Variants in SYN2 observed in about 807,000 individuals in gnomAD.
SYN2 encodes synapsin II.
A neutral mutation model predicts 50.9 loss-of-function variants in SYN2; 19 were observed. The ratio of observed to expected loss-of-function variants is 0.37; its 90% CI spans 0.26 to 0.55. SYN2 has a LOEUF of 0.55. Ranked by LOEUF, SYN2 falls within the 20% of genes least tolerant of loss-of-function variation. The pLI, the probability that SYN2 is intolerant of heterozygous loss-of-function variation, is 0.81. For missense variants in SYN2, 587 were observed against 576.4 expected (o/e 1.02, Z -0.19); for synonymous variants, 255 against 224.9 (o/e 1.13, Z -1.20).
chr3:12,057,246 C>G (rs189597989), intron 1 of SYN2, among the ~76,000 whole-genome samples: 5 of 151,370 alleles, frequency 3.3e-5, no homozygotes, highest in African/African-American at 4.9e-5. Flanking sequence ...GAGCCAAGAT[C>G]GTGCCACTGC....
intron 1 of SYN2, among the ~76,000 whole-genome samples, chr3:12,057,634 TTTGA>T (rs1438786920): frequency 2.6e-5 from 4 of 152,164 alleles, no homozygotes; most frequent in Admixed American, 2.6e-4. Flanking sequence ...TAGTTTTGAT[TTTGA>T]TTATTGATTT....
intron 3 of SYN2, among the ~76,000 whole-genome samples, chr3:12,143,772 T>A (rs926028790): frequency 6.6e-6 from 1 of 152,244 alleles, no homozygotes; most frequent in Non-Finnish European, 1.5e-5. Context: ...TCTTTTAATA[T>A]GATGATTTAT....
chr3:12,043,825 C>G (rs1694672856), intron 1 of SYN2, among the ~76,000 whole-genome samples: 1 of 152,140 alleles, frequency 6.6e-6, no homozygotes, highest in Admixed American at 6.6e-5. Flanking sequence ...ACTATATAGT[C>G]AAATCTCCAT....
chr3:12,144,643 A>G (rs1165217951), intron 3 of SYN2, among the ~76,000 whole-genome samples: 2 of 152,194 alleles, frequency 1.3e-5, no homozygotes, highest in Admixed American at 6.5e-5. Flanking sequence ...TCCTAAGGGT[A>G]TTTGTACCTT....
intron 1 of SYN2, among the ~76,000 whole-genome samples, chr3:12,096,151 C>T (rs564424192): frequency 6.6e-6 from 1 of 152,264 alleles, no homozygotes; most frequent in South Asian, 2.1e-4. Flanking sequence ...TCATGTCATC[C>T]ATTTCTCCTA....
chr3:12,048,600 C>T (rs920075334), intron 1 of SYN2, among the ~76,000 whole-genome samples: 5 of 152,140 alleles, frequency 3.3e-5, no homozygotes, highest in South Asian at 2.1e-4. Flanking sequence ...ATTCATTGAA[C>T]GCTTATTGTG....
At chr3:12,098,260 A>C (rs561022551) in intron 1 of SYN2, among the ~76,000 whole-genome samples, 2 of 152,204 alleles carry the variant, frequency 1.3e-5, no homozygotes, top group African/African-American at 4.8e-5. Flanking sequence ...GACTATCAGC[A>C]AAGAATTCTG....
intron 1 of SYN2, among the ~76,000 whole-genome samples, chr3:12,041,132 C>T (rs922839475): frequency 6.6e-6 from 1 of 152,146 alleles, no homozygotes; most frequent in East Asian, 1.9e-4. Flanking sequence ...GACCTGCCTC[C>T]CTGCAGCCAG....
intron 1 of SYN2, among the ~76,000 whole-genome samples, chr3:12,113,224 TC>T (rs1696363297): frequency 6.6e-6 from 1 of 152,194 alleles, no homozygotes; most frequent in African/African-American, 2.4e-5. Context: ...ACCAAAGTAT[TC>T]CTAAGGAGAA....
intron 1 of SYN2, among the ~76,000 whole-genome samples, chr3:12,037,384 T>C (rs1694521162): frequency 6.6e-6 from 1 of 152,252 alleles, no homozygotes; most frequent in Non-Finnish European, 1.5e-5. Flanking sequence ...CCAATTTTTA[T>C]CTCACTCTGT....
chr3:12,141,567 A>G (rs1347555459), intron 2 of SYN2, among the ~76,000 whole-genome samples: 1 of 152,246 alleles, frequency 6.6e-6, no homozygotes, highest in East Asian at 1.9e-4. Flanking sequence ...CATTTGTCTC[A>G]GTCCACATTC....
intron 1 of SYN2, among the ~76,000 whole-genome samples, chr3:12,049,557 A>T (rs2125153734): frequency 7.9e-6 from 1 of 125,810 alleles, no homozygotes; most frequent in Middle Eastern, 4.2e-3. Context: ...AAACTGAAAG[A>T]TGAGGGAACT....
chr3:12,191,175 G>A lies in SYN2; in HGVS notation c.*550G>A. 1.0e-6 allele frequency: 1 copy of A among 985,392 alleles called. No individual in the cohort carries two copies. 61.0% of individuals were successfully genotyped at this position (985,392 alleles called of 1,614,324 possible). Reference sequence around the variant, plus strand: ...AACTTACAAGATCTTAGGCTGCTGTGGTGGTGAAGCACCTTGAGTCTGCTG... The same window carrying A: ...AACTTACAAGATCTTAGGCTGCTGTAGTGGTGAAGCACCTTGAGTCTGCTG... On this transcript the variant is annotated 3_prime_UTR_variant, in exon 13 of 13. Coordinates refer to ENST00000621198, the MANE Select transcript of SYN2 (RefSeq NM_133625.6).
intron 1 of SYN2, among the ~76,000 whole-genome samples, chr3:12,136,997 G>T (rs1274862886): frequency 2.0e-5 from 3 of 152,148 alleles, no homozygotes; most frequent in Admixed American, 6.5e-5. Flanking sequence ...TATCATCCCA[G>T]CACTTTCAGA....
In SYN2 at chr3:12,167,223, T is replaced by A. The variant is rs1697822375; in HGVS notation, c.981-11T>A. ...CACTGCCTGTCCTATCCTGGTGGGATCTTGTTGCAGGAGGACATCGATCTC... is the reference window on the plus strand; with the variant it reads ...CACTGCCTGTCCTATCCTGGTGGGAACTTGTTGCAGGAGGACATCGATCTC... On this transcript the variant is annotated splice_polypyrimidine_tract_variant and intron_variant, in intron 7 of 12. Coordinates refer to ENST00000621198, the MANE Select transcript of SYN2 (RefSeq NM_133625.6). 6.2e-7 allele frequency: 1 copy of A among 1,611,800 alleles called. No individual in the cohort carries two copies. Among genetic ancestry groups the A allele is most frequent in the Non-Finnish European group, 8.5e-7 (1 of 1,179,140 alleles).
At position 12,022,396 on chromosome 3, in the gene SYN2, G is replaced by GTTATTA. The variant is rs201890521; in HGVS notation, c.377+17487_377+17492dup. On this transcript the variant is annotated intron_variant, in intron 1 of 12. Transcript: ENST00000621198. The stretch of plus-strand genomic sequence containing the variant: ...ATCTAATCTTGGAGACCTCTAGGAA[G>GTTATTA]TTATTATTATTATTATTATTATTAG... Among the ~76,000 whole-genome samples, 38 of 151,332 alleles carry GTTATTA rather than the reference G, an allele frequency of 2.5e-4. 1 individual carries two copies. The highest frequency in any genetic ancestry group is 1.7e-3 in the South Asian group (8 of 4,766).
At chr3:12,033,387 C>A (rs1574899010) in intron 1 of SYN2, among the ~76,000 whole-genome samples, 1 of 152,260 alleles carries the variant, frequency 6.6e-6, no homozygotes, top group Non-Finnish European at 1.5e-5. Flanking sequence ...AATTCTTGTG[C>A]TTTCTTTACT....
rs77169811 is a variant in SYN2, at chr3:12,070,905, C to T, written c.377+65977C>T. The T allele has an allele frequency of 3.0e-4, 167 of 561,616 alleles. 1 individual carries two copies. In the East Asian group the frequency reaches 6.7e-3, roughly 23 times the overall value. The allele number at this position is 561,616 out of a possible 1,614,324, so 34.8% of individuals were successfully genotyped here. On this transcript the variant is annotated intron_variant, in intron 1 of 12. Transcript: ENST00000621198. The stretch of plus-strand genomic sequence containing the variant: ...AGCCGTGCTATGTTGCCCTGGACTT[C>T]GAACAGGAGATGGCCACCGCCGCAT...
chr3:12,091,486 A>G lies in SYN2; in HGVS notation c.378-49165A>G, dbSNP rs537664182. On this transcript the variant is annotated intron_variant, in intron 1 of 12. Coordinates refer to ENST00000621198, the MANE Select transcript of SYN2 (RefSeq NM_133625.6). ...GATTATTATAGCCTTTTTAAAAGGT[A>G]ACAGATCCTCACAGCTCAAGTAATT... 8.5e-5 allele frequency among the ~76,000 whole-genome samples: 13 copies of G among 152,262 alleles called. No individual in the cohort carries two copies. The East Asian group carries it at 2.5e-3, about 29-fold the overall frequency.
Sources: gnomAD v4.1 joint callset for allele counts (sites outside exome capture counted in the v4.1 genomes callset) on GRCh38, gnomAD v4.1.1 for gene constraint, MANE v1.5 for transcripts, NCBI Gene and HGNC (gene_info 2026-07-23, HGNC 2026-07-21) for gene names.